Variants in GLDC observed in about 807,000 individuals in gnomAD.
GLDC encodes the protein glycine dehydrogenase (decarboxylating), mitochondrial.
In GLDC, 104 loss-of-function variants were observed where a neutral mutation model predicts 121.3. The observed-to-expected ratio is 0.86, with a 90% CI of 0.73 to 1.01. The LOEUF is 1.01. Among genes scored for constraint, GLDC ranks in the 50% least tolerant of loss-of-function variants. The pLI is 0.00. For missense variants in GLDC, 1,429 were observed against 1,306.6 expected, an observed-to-expected ratio of 1.09 and a Z score of -1.44; for synonymous variants, 546 against 480.6, an observed-to-expected ratio of 1.14 and a Z score of -1.78.
At chr9:6,577,657 TG>T (rs1251934329) in intron 15 of GLDC, among the ~76,000 whole-genome samples, 1 of 152,186 alleles carries the variant, frequency 6.6e-6, no homozygotes, top group African/African-American at 2.4e-5. Flanking sequence ...GACAACTGTT[TG>T]AGTCCCATCC....
At chr9:6,629,958 T>TAATATATATATGTGTATA in intron 2 of GLDC, among the ~76,000 whole-genome samples, 1 of 78,680 alleles carries the variant, frequency 1.3e-5, no homozygotes, top group Non-Finnish European at 2.4e-5. Context: ...TATATATATA[T>TAATATATATATGTGTATA]TTTTTTTTTT....
At chr9:6,595,257 G>C in intron 8 of GLDC, 138 bp from the exon 9 acceptor site, 2 of 741,428 alleles carry the variant, frequency 2.7e-6, no homozygotes, top group South Asian at 2.8e-5. Context: ...TTGATAGTTG[G>C]GGACAATTAA....
chr9:6,606,634 C>T lies in GLDC; in HGVS notation c.671G>A (p.Arg224His), dbSNP rs28617412. ...AACAGCTATTGTCTGTGGGTGGCAA[C>T]GGGGATCAACGAGAAATTTCCTCCT... ...NKRRKFLVDP[R>H]CHPQTIAVVQ... The change falls in exon 5 of 25, where the codon CGT becomes CAT. Residue 224 changes from arginine (R) to histidine (H), a missense_variant. Transcript: ENST00000321612. 7,893 of 1,608,656 alleles carry T rather than the reference C, an allele frequency of 4.9e-3. 221 individuals carry two copies. The African/African-American group carries it at 0.068, about 14-fold the overall frequency.
chr9:6,588,335 G>T, intron 14 of GLDC, 66 bp downstream of exon 14: 1 of 1,057,660 alleles, frequency 9.5e-7, no homozygotes. Context: ...CACTAGTTCT[G>T]GGCTTAGGTG....
chr9:6,578,080 AC>A (rs1818107911), intron 15 of GLDC, among the ~76,000 whole-genome samples: 1 of 151,616 alleles, frequency 6.6e-6, no homozygotes, highest in Non-Finnish European at 1.5e-5. Flanking sequence ...GTGCCCAGCT[AC>A]TTTTTTAATT....
At chr9:6,629,958 T>TATATATATATATGTATACATA in intron 2 of GLDC, among the ~76,000 whole-genome samples, 2 of 78,676 alleles carry the variant, frequency 2.5e-5, no homozygotes, top group Admixed American at 1.3e-4. Flanking sequence ...TATATATATA[T>TATATATATATATGTATACATA]TTTTTTTTTT....
chr9:6,596,813 A>C (rs570887038), intron 8 of GLDC, among the ~76,000 whole-genome samples: 3 of 152,252 alleles, frequency 2.0e-5, no homozygotes, highest in East Asian at 1.9e-4. Flanking sequence ...TAATGCAGCC[A>C]CTTTGAAAAA....
At chr9:6,554,538 C>T (rs968747259) in intron 19 of GLDC, 131 bp downstream of exon 19, 4 of 742,228 alleles carry the variant, frequency 5.4e-6, no homozygotes, top group African/African-American at 5.2e-5. Flanking sequence ...CTCCCCCAGC[C>T]CCTACAAGTG....
chr9:6,639,668 A>AAAAAAAAAATATATATATATATATAT lies in GLDC; in HGVS notation c.334+4945_334+4946insATATATATATATATATATTTTTTTTT. On this transcript the variant is annotated intron_variant, in intron 2 of 24. Transcript: ENST00000321612. Reference sequence around the variant, plus strand: ...ATATATCTTTTCACCATAAAAAAAAAGTATATATATATATATATATGGACA... The same window carrying AAAAAAAAAATATATATATATATATAT: ...ATATATCTTTTCACCATAAAAAAAAAAAAAAAAAATATATATATATATATATGTATATATATATATATATATGGACA... 1.2e-5 allele frequency: 3 copies of AAAAAAAAAATATATATATATATATAT among 244,954 alleles called. No individual in the cohort carries two copies. The African/African-American group carries it at 1.6e-4, about 13-fold the overall frequency. The allele number at this position is 244,954 out of a possible 1,614,324, so 15.2% of individuals were successfully genotyped here. A position where few individuals can be genotyped will look rare whatever the true frequency, so the allele number is the denominator to read the frequency against.
chr9:6,562,389 C>T (rs1817776132), intron 16 of GLDC, among the ~76,000 whole-genome samples: 1 of 152,080 alleles, frequency 6.6e-6, no homozygotes, highest in Admixed American at 6.6e-5. Context: ...ACACTCCCTG[C>T]ACATGACTTC....
At chr9:6,583,331 T>C (rs2129818212) in intron 15 of GLDC, among the ~76,000 whole-genome samples, 1 of 152,204 alleles carries the variant, frequency 6.6e-6, no homozygotes, top group East Asian at 1.9e-4. Context: ...CCTCAATTGA[T>C]GAAGGGATAA....
chr9:6,615,384 C>A (rs13291163), intron 3 of GLDC, among the ~76,000 whole-genome samples: 9,071 of 151,300 alleles, frequency 0.06, 383 homozygotes, highest in Non-Finnish European at 0.092. Flanking sequence ...TCAAGATCAG[C>A]CTGGGCAACA....
intron 2 of GLDC, among the ~76,000 whole-genome samples, chr9:6,621,324 T>G (rs1478009614): frequency 3.3e-5 from 5 of 152,174 alleles, no homozygotes; most frequent in African/African-American, 1.2e-4. Flanking sequence ...TAATAGCATT[T>G]GACATTTATT....
chr9:6,533,858 C>CAAA (rs140518818), intron 24 of GLDC, among the ~76,000 whole-genome samples: 1 of 125,276 alleles, frequency 8.0e-6, no homozygotes, highest in Admixed American at 8.0e-5. Context: ...AACTCTATCT[C>CAAA]AAAAAAAAAA....
At chr9:6,569,091 T>C (rs1817904418) in intron 15 of GLDC, 1 of 152,134 alleles carries the variant, frequency 6.6e-6, no homozygotes, top group African/African-American at 2.4e-5. Context: ...TTCAACAGTA[T>C]TGTGATGACT....
chr9:6,560,290 G>C (rs1162810196), intron 16 of GLDC, among the ~76,000 whole-genome samples: 1 of 152,200 alleles, frequency 6.6e-6, no homozygotes, highest in Non-Finnish European at 1.5e-5. Context: ...TTAGCTTACA[G>C]CTCTTTCCTC....
intron 14 of GLDC, 75 bp downstream of exon 14, chr9:6,588,326 A>C (rs1382565263): frequency 3.1e-6 from 3 of 962,522 alleles, no homozygotes; most frequent in Admixed American, 3.4e-5. Flanking sequence ...AGTAGATTTC[A>C]CTAGTTCTGG....
chr9:6,574,702 C>G (rs1474699725), intron 15 of GLDC, among the ~76,000 whole-genome samples: 1 of 152,144 alleles, frequency 6.6e-6, no homozygotes, highest in Non-Finnish European at 1.5e-5. Flanking sequence ...ATCCCTCACC[C>G]TGCTTTTTTC....
Position 6,533,111 on chromosome 9 carries a change from T to G in GLDC, c.2969A>C (p.Asp990Ala). The G allele has an allele frequency of 6.2e-7, 1 of 1,612,338 alleles. No individual in the cohort carries two copies. The highest frequency in any genetic ancestry group is 8.5e-7 in the Non-Finnish European group (1 of 1,178,406). Residue 990 changes from aspartate to alanine, a missense_variant, in exon 25 of 25, where the codon GAT becomes GCT. By Grantham distance (126) the Asp-to-Ala change is moderately radical. Transcript: ENST00000321612. ...CAGGTGCTGATCTCCATATATGTCA[T>G]CAATCCGGGCAATCGTTGGCCAGAA... ...NKFWPTIARI[D>A]DIYGDQHLVC...
Sources: gnomAD v4.1 joint callset for allele counts (sites outside exome capture counted in the v4.1 genomes callset) on GRCh38, gnomAD v4.1.1 for gene constraint, MANE v1.5 for transcripts, NCBI Gene and HGNC (gene_info 2026-07-23, HGNC 2026-07-21) for gene names.